The following ADAMTSL3 variants were observed in gnomAD, a reference collection of about 807,000 sequenced individuals.
The protein encoded by ADAMTSL3 is ADAMTS-like protein 3.
Under a neutral mutation model 201.7 loss-of-function variants are expected in ADAMTSL3, and 128 were observed. The ratio of observed to expected loss-of-function variants is 0.63; its 90% CI spans 0.55 to 0.73. The LOEUF is 0.73. Among genes scored for constraint, ADAMTSL3 ranks in the 30% least tolerant of loss-of-function variants. The pLI, the probability that ADAMTSL3 is intolerant of heterozygous loss-of-function variation, is 0.00. For missense variants in ADAMTSL3, 1,990 were observed against 2,119.6 expected, an observed-to-expected ratio of 0.94 and a Z score of 1.20; for synonymous variants, 738 against 748.4, an observed-to-expected ratio of 0.99 and a Z score of 0.23.
intron 6 of ADAMTSL3, among the ~76,000 whole-genome samples, chr15:83,827,080 T>G (rs1000358762): frequency 2.0e-5 from 3 of 152,272 alleles, no homozygotes; most frequent in Admixed American, 1.3e-4. Context: ...CCTGAGGAAT[T>G]GCCACACTGA....
chr15:83,736,194 G>A (rs2062367046), intron 3 of ADAMTSL3, among the ~76,000 whole-genome samples: 1 of 152,058 alleles, frequency 6.6e-6, no homozygotes, highest in Admixed American at 6.6e-5. Flanking sequence ...TGTTAATTCT[G>A]GCCTTTGGCC....
At chr15:83,830,045 T>C (rs1389526020) in intron 6 of ADAMTSL3, among the ~76,000 whole-genome samples, 2 of 152,128 alleles carry the variant, frequency 1.3e-5, no homozygotes, top group African/African-American at 4.8e-5. Context: ...TACGGCTGAA[T>C]GTTTGGTTGG....
At chr15:83,882,268 A>T (rs2065288420) in intron 9 of ADAMTSL3, among the ~76,000 whole-genome samples, 1 of 152,256 alleles carries the variant, frequency 6.6e-6, no homozygotes, top group Admixed American at 6.5e-5. Context: ...GTCCTGCCAC[A>T]GCCAGAAACA....
intron 15 of ADAMTSL3, among the ~76,000 whole-genome samples, chr15:83,902,109 A>G (rs539364965): frequency 4.6e-5 from 7 of 152,050 alleles, no homozygotes; most frequent in Non-Finnish European, 1.0e-4. Flanking sequence ...TCTTGGTTCC[A>G]GCTCCTCCTT....
intron 5 of ADAMTSL3, among the ~76,000 whole-genome samples, chr15:83,810,814 C>T (rs2063682986): frequency 6.6e-6 from 1 of 152,210 alleles, no homozygotes; most frequent in Non-Finnish European, 1.5e-5. Context: ...TCTCAGCTCA[C>T]TGAAACCTCT....
At chr15:84,032,232 G>T (rs910594430) in intron 28 of ADAMTSL3, among the ~76,000 whole-genome samples, 1 of 152,248 alleles carries the variant, frequency 6.6e-6, no homozygotes, top group African/African-American at 2.4e-5. Flanking sequence ...ACACGAGGCA[G>T]CCTGGGTCAT....
intron 8 of ADAMTSL3, among the ~76,000 whole-genome samples, chr15:83,859,445 G>A (rs2064809860): frequency 6.6e-6 from 1 of 152,192 alleles, no homozygotes; most frequent in Admixed American, 6.5e-5. Flanking sequence ...TGTGCCGGTG[G>A]ATCCATTTGG....
At chr15:83,935,580 G>C (rs1567247354) in intron 17 of ADAMTSL3, among the ~76,000 whole-genome samples, 1 of 151,982 alleles carries the variant, frequency 6.6e-6, no homozygotes, top group African/African-American at 2.4e-5. Flanking sequence ...ATACATTGTT[G>C]TTAAACTTTA....
chr15:83,916,907 T>G (rs944941154), intron 16 of ADAMTSL3, among the ~76,000 whole-genome samples: 7 of 152,256 alleles, frequency 4.6e-5, no homozygotes, highest in Non-Finnish European at 8.8e-5. Context: ...TTTGCCTTGA[T>G]GGAGCACAGC....
At position 83,693,225 on chromosome 15, in the gene ADAMTSL3, C is replaced by G. The variant is rs1275705711; in HGVS notation, c.70-11164C>G. ...AATCAGTTGTTGACATGGATGTTTTCTGCATATGTCGGTTGCACTGGTGTT... is the reference window on the plus strand; with the variant it reads ...AATCAGTTGTTGACATGGATGTTTTGTGCATATGTCGGTTGCACTGGTGTT... On this transcript the variant is annotated intron_variant, in intron 2 of 29. Transcript: ENST00000286744. Among the ~76,000 whole-genome samples, 4 of 152,186 alleles carry G rather than the reference C, an allele frequency of 2.6e-5. No individual in the cohort carries two copies. In the East Asian group the frequency reaches 7.7e-4, roughly 29 times the overall value.
At chr15:83,689,107 G>A (rs2061578956) in intron 2 of ADAMTSL3, among the ~76,000 whole-genome samples, 4 of 152,214 alleles carry the variant, frequency 2.6e-5, no homozygotes, top group Admixed American at 1.3e-4. Flanking sequence ...ACAGGTGTGA[G>A]CCACTGCACC....
chr15:83,715,259 A>G (rs972747251), intron 3 of ADAMTSL3, among the ~76,000 whole-genome samples: 3 of 152,154 alleles, frequency 2.0e-5, no homozygotes, highest in Non-Finnish European at 2.9e-5. Flanking sequence ...GATGGCCCTT[A>G]ATATTGCCTC....
chr15:83,945,450 G>A (rs12898206), intron 19 of ADAMTSL3, among the ~76,000 whole-genome samples: 21,010 of 152,182 alleles, frequency 0.14, 1,866 homozygotes, highest in Middle Eastern at 0.33. Context: ...AACAATAGAC[G>A]GCCCAAGGGA....
chr15:83,803,156 A>G (rs73439403), intron 4 of ADAMTSL3, among the ~76,000 whole-genome samples: 6,531 of 152,290 alleles, frequency 0.043, 434 homozygotes, highest in African/African-American at 0.15. Flanking sequence ...AAATGGCAGA[A>G]ACAGTGGAGG....
chr15:83,827,352 G>A (rs1368721662), intron 6 of ADAMTSL3, among the ~76,000 whole-genome samples: 2 of 152,142 alleles, frequency 1.3e-5, no homozygotes, highest in East Asian at 1.9e-4. Flanking sequence ...CTTTTTGACT[G>A]GGTTGTTTGT....
At position 83,965,364 on chromosome 15, in the gene ADAMTSL3, A is replaced by G. The variant is rs573748553; in HGVS notation, c.2491-5120A>G. 1.9e-4 allele frequency among the ~76,000 whole-genome samples: 29 copies of G among 151,772 alleles called. 1 individual carries two copies. In the South Asian group the frequency reaches 4.6e-3, roughly 24 times the overall value. On this transcript the variant is annotated intron_variant, in intron 19 of 29. Transcript: ENST00000286744. ...AAATGGAAAGCAAAAAAAAAAAAAA[A>G]AAAAGCAGGGGTTGCAGTCCTAGTC...
chr15:83,751,747 T>G (rs917906314), intron 3 of ADAMTSL3, among the ~76,000 whole-genome samples: 2 of 152,218 alleles, frequency 1.3e-5, no homozygotes, highest in Non-Finnish European at 2.9e-5. Context: ...ATGGAGTTAC[T>G]TTCATCTTGA....
At chr15:83,972,402 T>G in intron 20 of ADAMTSL3, among the ~76,000 whole-genome samples, 1 of 152,334 alleles carries the variant, frequency 6.6e-6, no homozygotes, top group East Asian at 1.9e-4. Flanking sequence ...AAGTTGCCTC[T>G]CTATCTGATT....
intron 2 of ADAMTSL3, among the ~76,000 whole-genome samples, chr15:83,664,078 A>T (rs1016354): frequency 0.015 from 2,317 of 152,268 alleles, 70 homozygotes; most frequent in African/African-American, 0.053. Flanking sequence ...TATCAGGTGG[A>T]GACCCAGGTC....
Sources: allele counts gnomAD v4.1 joint callset (sites outside exome capture counted in the v4.1 genomes callset), GRCh38; gene constraint gnomAD v4.1.1; transcripts MANE v1.5; gene names NCBI Gene and HGNC (gene_info 2026-07-23, HGNC 2026-07-21).